The following CAPZB variants were observed in gnomAD, a reference collection of about 807,000 sequenced individuals.
CAPZB encodes the protein F-actin-capping protein subunit beta.
Under a neutral mutation model 38.1 loss-of-function variants are expected in CAPZB, and 2 were observed. The observed-to-expected ratio is 0.05, with a 90% CI of 0.02 to 0.17. The LOEUF (loss-of-function observed/expected upper bound fraction) is 0.17. Ranked by LOEUF, CAPZB falls within the 10% of genes least tolerant of loss-of-function variation. The pLI is 1.00. For synonymous variants in CAPZB, 107 were observed against 127.4 expected, an observed-to-expected ratio of 0.84 and a Z score of 1.08; for missense variants, 161 against 334.2, an observed-to-expected ratio of 0.48 and a Z score of 4.04.
chr1:19,482,919 A>G (rs2094635060), intron 1 of CAPZB, among the ~76,000 whole-genome samples: 1 of 152,218 alleles, frequency 6.6e-6, no homozygotes, highest in Non-Finnish European at 1.5e-5. Flanking sequence ...CAGAAATTAC[A>G]AGGCTAAGGG....
intron 1 of CAPZB, among the ~76,000 whole-genome samples, chr1:19,436,646 G>T (rs985674460): frequency 6.6e-6 from 1 of 150,406 alleles, no homozygotes; most frequent in South Asian, 2.1e-4. Context: ...ATCCAATGGG[G>T]GTCTTGGAGT....
intron 2 of CAPZB, 101 bp downstream of exon 2, chr1:19,419,558 GAA>G: frequency 1.4e-6 from 1 of 702,228 alleles, no homozygotes; most frequent in African/African-American, 1.8e-5. Flanking sequence ...GCCAGGGAGA[GAA>G]AAGGTTTCCT....
At chr1:19,478,653 A>T (rs1340636796) in intron 1 of CAPZB, among the ~76,000 whole-genome samples, 1 of 152,190 alleles carries the variant, frequency 6.6e-6, no homozygotes, top group Non-Finnish European at 1.5e-5. Context: ...CTCACTCCTG[A>T]GTCTTTCAGA....
chr1:19,379,014 T>C (rs751972336), intron 3 of CAPZB, among the ~76,000 whole-genome samples: 10 of 152,072 alleles, frequency 6.6e-5, no homozygotes, highest in Non-Finnish European at 1.2e-4. Flanking sequence ...AGCCCAGAGC[T>C]TGCCAGACTG....
chr1:19,347,656 G>C (rs184806300), intron 6 of CAPZB, among the ~76,000 whole-genome samples: 1 of 152,308 alleles, frequency 6.6e-6, no homozygotes, highest in African/African-American at 2.4e-5. Flanking sequence ...CCAGCTGAGA[G>C]AACGACCAGC....
intron 2 of CAPZB, among the ~76,000 whole-genome samples, chr1:19,398,320 T>C (rs1233737214): frequency 6.7e-6 from 1 of 148,364 alleles, no homozygotes; most frequent in African/African-American, 2.4e-5. Context: ...GGGAGGCGAA[T>C]GACCTTTGAA....
chr1:19,484,512 C>T, intron 1 of CAPZB: 1 of 1,358,648 alleles, frequency 7.4e-7, no homozygotes, highest in Non-Finnish European at 9.5e-7. Context: ...GCCTTCTGGG[C>T]ACACCGATGC....
intron 2 of CAPZB, among the ~76,000 whole-genome samples, chr1:19,396,643 TTTA>T (rs908654443): frequency 1.3e-4 from 20 of 152,124 alleles, no homozygotes; most frequent in African/African-American, 4.8e-4. Context: ...AGTCCACATT[TTTA>T]TTAAGGATTA....
In CAPZB at chr1:19,477,680, C is replaced by T. The variant is rs146378196; in HGVS notation, c.3+7756G>A. On this transcript the variant is annotated intron_variant, in intron 1 of 8. Coordinates refer to ENST00000264202, the MANE Select transcript of CAPZB (RefSeq NM_004930.5). ...GAAGGGAAAAGGGCACCGGTACCAC[C>T]GGAAAATGCCACTGGCTCAATTCTA... Among the ~76,000 whole-genome samples the T allele has an allele frequency of 1.6e-4, 25 of 152,338 alleles. No individual in the cohort carries two copies. The East Asian group carries it at 3.9e-3, about 24-fold the overall frequency.
chr1:19,350,462 G>A (rs2093985640), intron 6 of CAPZB, among the ~76,000 whole-genome samples: 1 of 152,282 alleles, frequency 6.6e-6, no homozygotes, highest in Non-Finnish European at 1.5e-5. Context: ...GTGGGTTGGA[G>A]GTCAGGACCC....
rs2094020906 is a variant in CAPZB, at chr1:19,356,371, C to T, written c.588+264G>A. 1.3e-5 allele frequency among the ~76,000 whole-genome samples: 2 copies of T among 152,108 alleles called. No homozygotes were observed. The highest frequency in any genetic ancestry group is 2.4e-5 in the African/African-American group (1 of 41,434). The stretch of plus-strand genomic sequence containing the variant: ...ACATGAGCTGAAGCATGGGGATGTG[C>T]GGGGCCCTGAGGGGTAAGGAGGAGC... On this transcript the variant is annotated intron_variant, in intron 6 of 8. Coordinates refer to ENST00000264202, the MANE Select transcript of CAPZB (RefSeq NM_004930.5). This position sits in a 1 kb window ranked among gnomAD's most constrained non-coding sequence, Gnocchi z 4.3.
intron 2 of CAPZB, among the ~76,000 whole-genome samples, chr1:19,386,763 A>G (rs1220771329): frequency 6.6e-6 from 1 of 152,210 alleles, no homozygotes; most frequent in Non-Finnish European, 1.5e-5. Flanking sequence ...AACGCCCAGC[A>G]CAACTAAAGG....
At chr1:19,379,000 G>A (rs978589631) in intron 3 of CAPZB, among the ~76,000 whole-genome samples, 1 of 152,048 alleles carries the variant, frequency 6.6e-6, no homozygotes, top group Non-Finnish European at 1.5e-5. Context: ...CAGATCAAGC[G>A]CCCAGCCCAG....
At chr1:19,438,075 C>CA (rs1191828949) in intron 1 of CAPZB, among the ~76,000 whole-genome samples, 2 of 152,194 alleles carry the variant, frequency 1.3e-5, no homozygotes, top group Non-Finnish European at 2.9e-5. Flanking sequence ...TCTTACCTCC[C>CA]ACTACCTCCT....
Position 19,448,907 on chromosome 1 carries a change from C to T in CAPZB, c.4-29157G>A, listed in dbSNP as rs767131957. On this transcript the variant is annotated intron_variant, in intron 1 of 8. Transcript: ENST00000264202. ...AGAGAACCCTGTATCCTGGAACTGC[C>T]TGGGCATTGGAGGAGGTGATGGGTT... is the stretch of plus-strand genomic sequence containing the variant. The T allele has an allele frequency of 1.1e-5, 17 of 1,612,770 alleles. No individual in the cohort carries two copies. In the African/African-American group the frequency reaches 2.1e-4, roughly 20 times the overall value.
At chr1:19,397,345 C>A (rs1014009809) in intron 2 of CAPZB, among the ~76,000 whole-genome samples, 1 of 152,182 alleles carries the variant, frequency 6.6e-6, no homozygotes, top group African/African-American at 2.4e-5. Flanking sequence ...AGCAACCCTG[C>A]AGAAGGCAGG....
chr1:19,391,288 G>C (rs2094233145), intron 2 of CAPZB, among the ~76,000 whole-genome samples: 1 of 152,156 alleles, frequency 6.6e-6, no homozygotes, highest in African/African-American at 2.4e-5. Context: ...AGCCAGAGCA[G>C]CTCAGACCCA....
At chr1:19,370,186 G>A (rs2094112420) in intron 4 of CAPZB, among the ~76,000 whole-genome samples, 1 of 152,178 alleles carries the variant, frequency 6.6e-6, no homozygotes, top group South Asian at 2.1e-4. Flanking sequence ...CGACCACTGG[G>A]AATCCCTTCA....
chr1:19,479,143 G>C lies in CAPZB; in HGVS notation c.3+6293C>G, dbSNP rs2094618388. 2.0e-5 allele frequency among the ~76,000 whole-genome samples: 3 copies of C among 152,324 alleles called. No homozygotes were observed. The South Asian group carries it at 6.2e-4, about 32-fold the overall frequency. On this transcript the variant is annotated intron_variant, in intron 1 of 8. Coordinates refer to ENST00000264202, the MANE Select transcript of CAPZB (RefSeq NM_004930.5). Reference sequence around the variant, plus strand: ...GAGAATTCCCTGAGTCTAGGAGACGGAGGTTGCAGGGAGTCGAGATCGTGC... The same window carrying C: ...GAGAATTCCCTGAGTCTAGGAGACGCAGGTTGCAGGGAGTCGAGATCGTGC...
Sources: allele counts gnomAD v4.1 joint callset (sites outside exome capture counted in the v4.1 genomes callset), GRCh38; gene constraint gnomAD v4.1.1; non-coding constraint Gnocchi (gnomAD v3.1); transcripts MANE v1.5; gene names NCBI Gene and HGNC (gene_info 2026-07-23, HGNC 2026-07-21).